Variants in GABBR2 observed in about 807,000 individuals in gnomAD.
The protein encoded by GABBR2 is G-protein coupled receptor 51.
Under a neutral mutation model 105.6 loss-of-function variants are expected in GABBR2, and 23 were observed. The ratio of observed to expected loss-of-function variants is 0.22; its 90% CI spans 0.16 to 0.31. The LOEUF (loss-of-function observed/expected upper bound fraction) is 0.31, where lower values mean the gene tolerates loss of function less well. Ranked by LOEUF, GABBR2 falls within the 10% of genes least tolerant of loss-of-function variation. The pLI, the probability that GABBR2 is intolerant of heterozygous loss-of-function variation, is 1.00. For synonymous variants in GABBR2, 478 were observed against 499.7 expected, an observed-to-expected ratio of 0.96 and a Z score of 0.58; for missense variants, 734 against 1,245.5, an observed-to-expected ratio of 0.59 and a Z score of 6.18.
At chr9:98,291,069 G>A (rs1016435704) in intron 18 of GABBR2, among the ~76,000 whole-genome samples, 1 of 152,106 alleles carries the variant, frequency 6.6e-6, no homozygotes, top group African/African-American at 2.4e-5. Flanking sequence ...TTACGATGGG[G>A]TTACATTCCC....
chr9:98,655,216 A>G (rs1444806712), intron 1 of GABBR2, among the ~76,000 whole-genome samples: 1 of 152,198 alleles, frequency 6.6e-6, no homozygotes, highest in Non-Finnish European at 1.5e-5. Context: ...CCTAATGTAC[A>G]CTGTGGACGT....
intron 8 of GABBR2, among the ~76,000 whole-genome samples, chr9:98,397,281 G>A (rs998406900): frequency 6.6e-6 from 1 of 152,156 alleles, no homozygotes; most frequent in Non-Finnish European, 1.5e-5. Context: ...GGTGGCCTTG[G>A]ACATCCTGGA....
At chr9:98,672,345 G>A (rs62563783) in intron 1 of GABBR2, among the ~76,000 whole-genome samples, 7,746 of 152,264 alleles carry the variant, frequency 0.051, 282 homozygotes, top group Non-Finnish European at 0.079. Context: ...CACTTAGCAT[G>A]ATATCCTCAA....
intron 1 of GABBR2, among the ~76,000 whole-genome samples, chr9:98,701,174 AAAGTC>A (rs1305897365): frequency 6.6e-6 from 1 of 152,210 alleles, no homozygotes; most frequent in Non-Finnish European, 1.5e-5. Flanking sequence ...ACAGGGAAGG[AAAGTC>A]AAATACACAA....
At chr9:98,403,746 GAAAA>G (rs200851464) in intron 8 of GABBR2, among the ~76,000 whole-genome samples, 1 of 131,396 alleles carries the variant, frequency 7.6e-6, no homozygotes, top group Non-Finnish European at 1.6e-5. Flanking sequence ...TACTTGCTGA[GAAAA>G]AAAAAAATAT....
intron 1 of GABBR2, among the ~76,000 whole-genome samples, chr9:98,664,970 A>G (rs1382491203): frequency 6.6e-6 from 1 of 151,982 alleles, no homozygotes; most frequent in African/African-American, 2.4e-5. Context: ...CTGCAAAATG[A>G]AATTTTAAAA....
intron 13 of GABBR2, among the ~76,000 whole-genome samples, chr9:98,355,479 GCACCC>G (rs1831468526): frequency 6.6e-6 from 1 of 152,134 alleles, no homozygotes; most frequent in Non-Finnish European, 1.5e-5. Context: ...ATTTACATTA[GCACCC>G]AAATGAAATG....
At chr9:98,543,359 T>C (rs868319245) in intron 2 of GABBR2, among the ~76,000 whole-genome samples, 1 of 150,876 alleles carries the variant, frequency 6.6e-6, no homozygotes, top group Non-Finnish European at 1.5e-5. Flanking sequence ...TAATTTTATT[T>C]ATATATATAT....
At chr9:98,695,051 C>A (rs561871956) in intron 1 of GABBR2, among the ~76,000 whole-genome samples, 1 of 152,358 alleles carries the variant, frequency 6.6e-6, no homozygotes, top group South Asian at 2.1e-4. Flanking sequence ...ACAATCCATT[C>A]CTCACAGATG....
intron 3 of GABBR2, among the ~76,000 whole-genome samples, chr9:98,504,007 G>A (rs1173579868): frequency 6.6e-6 from 1 of 152,096 alleles, no homozygotes; most frequent in Non-Finnish European, 1.5e-5. Flanking sequence ...TTACAGCTGG[G>A]TTGCCAGCCT....
In GABBR2 at chr9:98,549,654, G is replaced by A. The variant is rs114141310; in HGVS notation, c.460-7611C>T. Among the ~76,000 whole-genome samples the A allele has an allele frequency of 5.4e-3, 819 of 152,322 alleles. 12 individuals carry two copies. Among genetic ancestry groups the A allele is most frequent in the African/African-American group, 0.019 (774 of 41,574 alleles). On this transcript the variant is annotated intron_variant, in intron 2 of 18. Transcript: ENST00000259455. ...CTCATCCCATACTGGCCAGCTCTGG[G>A]CACTGAATGGGGTTTTTGCCCACCG...
chr9:98,653,223 C>T (rs1830133799), intron 1 of GABBR2, among the ~76,000 whole-genome samples: 1 of 152,210 alleles, frequency 6.6e-6, no homozygotes. Context: ...GGCCTCAAAC[C>T]CCTGGCCTCA....
chr9:98,340,276 C>A (rs575253323), intron 13 of GABBR2, among the ~76,000 whole-genome samples: 1 of 151,556 alleles, frequency 6.6e-6, no homozygotes, highest in East Asian at 1.9e-4. Flanking sequence ...GAGACATTAA[C>A]CCAGATTCAA....
At chr9:98,679,674 G>A (rs1830516693) in intron 1 of GABBR2, among the ~76,000 whole-genome samples, 1 of 152,214 alleles carries the variant, frequency 6.6e-6, no homozygotes, top group African/African-American at 2.4e-5. Context: ...CCCTGGAGCA[G>A]GTCATAAAAC....
chr9:98,388,793 T>C lies in GABBR2; in HGVS notation c.1529+61A>G. 2 of 1,396,576 alleles carry C rather than the reference T, an allele frequency of 1.4e-6. No individual in the cohort carries two copies. Among genetic ancestry groups the C allele is most frequent in the East Asian group, 2.3e-5 (1 of 43,624 alleles). 86.5% of individuals were successfully genotyped at this position (1,396,576 alleles called of 1,614,324 possible). A position where few individuals can be genotyped will look rare whatever the true frequency, so the allele number is the denominator to read the frequency against. On this transcript the variant is annotated intron_variant, in intron 10 of 18. Transcript: ENST00000259455. The surrounding 1 kb of genome is among the most constrained non-coding windows in gnomAD (Gnocchi z 4.4). ...AATCTGTCATGTGGCACTCCTATAC[T>C]GTGTCCATAGGCTTGTCAATTTAGA...
At chr9:98,597,770 G>C (rs1829259296) in intron 1 of GABBR2, among the ~76,000 whole-genome samples, 1 of 152,182 alleles carries the variant, frequency 6.6e-6, no homozygotes. Flanking sequence ...AGATGATTGG[G>C]AAGAGCAGGG....
rs2779562 is a variant in GABBR2 at position 98,515,399 on chromosome 9, T to C, written c.631-18885A>G. On this transcript the variant is annotated intron_variant, in intron 3 of 18. Coordinates refer to ENST00000259455, the MANE Select transcript of GABBR2 (RefSeq NM_005458.8). ...CTTCAAGGTGGAGTTTAAAGGACTC[T>C]TTTCTGAGACCCTGGGAAATCACTG... Among the ~76,000 whole-genome samples the C allele has an allele frequency of 0.49, 73,868 of 151,980 alleles. 18,512 individuals are homozygous for C. Among genetic ancestry groups the C allele is most frequent in the East Asian group, 0.76 (3,903 of 5,148 alleles).
At position 98,414,211 on chromosome 9, in the gene GABBR2, C is replaced by T. The variant is rs564519776; in HGVS notation, c.1237-8070G>A. On this transcript the variant is annotated intron_variant, in intron 7 of 18. Transcript: ENST00000259455. ...CAAAAGAGAAAACTACAGGAAGACCCTAATTTAGACTGGAGGCCAAGGAGG... is the reference window on the plus strand; with the variant it reads ...CAAAAGAGAAAACTACAGGAAGACCTTAATTTAGACTGGAGGCCAAGGAGG... Among the ~76,000 whole-genome samples, 7 of 152,280 alleles carry T rather than the reference C, an allele frequency of 4.6e-5. 1 individual carries two copies. The South Asian group carries it at 1.2e-3, about 27-fold the overall frequency.
intron 13 of GABBR2, among the ~76,000 whole-genome samples, chr9:98,316,847 A>G (rs1335546649): frequency 1.3e-5 from 2 of 152,202 alleles, no homozygotes; most frequent in Non-Finnish European, 2.9e-5. Flanking sequence ...ACAGAGTCAC[A>G]GAGAGGTGAA....
Sources: allele counts gnomAD v4.1 joint callset (sites outside exome capture counted in the v4.1 genomes callset), GRCh38; gene constraint gnomAD v4.1.1; non-coding constraint Gnocchi (gnomAD v3.1); transcripts MANE v1.5; gene names NCBI Gene and HGNC (gene_info 2026-07-23, HGNC 2026-07-21).